The following TRPV1 variants were observed in gnomAD, a reference collection of about 807,000 sequenced individuals.
TRPV1 encodes OTRPC1.
A neutral mutation model predicts 82.3 loss-of-function variants in TRPV1; 82 were observed. The ratio of observed to expected loss-of-function variants is 1.00; its 90% CI spans 0.83 to 1.20. The LOEUF (loss-of-function observed/expected upper bound fraction) is 1.20. Among genes scored for constraint, TRPV1 ranks in the 50% most tolerant of loss-of-function variants. The probability of loss-of-function intolerance (pLI) is 0.00; values close to 1 mark genes in which losing one functional copy is unlikely to be tolerated. For synonymous variants in TRPV1, 515 were observed against 467.7 expected, an observed-to-expected ratio of 1.10 and a Z score of -1.30; for missense variants, 1,067 against 1,096.8, an observed-to-expected ratio of 0.97 and a Z score of 0.38.
In TRPV1 at chr17:3,566,175, A is replaced by AG. The variant is rs1458630926; in HGVS notation, c.*639dup. ...CAACAAGAGTGAAACTCTGTCTCAC[A>AG]GAAAAAAAAAAAAAGAATAAAATCA... is the stretch of plus-strand genomic sequence containing the variant. On this transcript the variant is annotated 3_prime_UTR_variant, in exon 17 of 17. Coordinates refer to ENST00000572705, the MANE Select transcript of TRPV1 (RefSeq NM_080704.4). 1 of 146,164 alleles carries AG rather than the reference A, an allele frequency of 6.8e-6. No individual in the cohort carries two copies. The highest frequency in any genetic ancestry group is 1.5e-5 in the Non-Finnish European group (1 of 66,678). 9.1% of individuals were successfully genotyped at this position (146,164 alleles called of 1,614,324 possible).
chr17:3,586,454 T>C (rs1262249149), intron 8 of TRPV1, among the ~76,000 whole-genome samples: 1 of 152,244 alleles, frequency 6.6e-6, no homozygotes, highest in Non-Finnish European at 1.5e-5. Flanking sequence ...TTGGGGCAAA[T>C]GTCTCATATC....
At chr17:3,599,369 T>C (rs897128280) in intron 2 of TRPV1, among the ~76,000 whole-genome samples, 1 of 152,178 alleles carries the variant, frequency 6.6e-6, no homozygotes, top group African/African-American at 2.4e-5. Flanking sequence ...ACCATCAGCA[T>C]CATCCATGCA....
Position 3,582,116 on chromosome 17 carries a change from G to T in TRPV1, c.1476+1222C>A, listed in dbSNP as rs1448108613. Among the ~76,000 whole-genome samples, 4 of 148,220 alleles carry T rather than the reference G, an allele frequency of 2.7e-5. No homozygotes were observed. The Admixed American group carries it at 2.8e-4, about 10-fold the overall frequency. On this transcript the variant is annotated intron_variant, in intron 10 of 16. Coordinates refer to ENST00000572705, the MANE Select transcript of TRPV1 (RefSeq NM_080704.4). ...GAGGCAGGAGAATGGCGTGAACCCA[G>T]GAGGCGGAGCTTGCAGTGAGTGGAG...
chr17:3,577,934 TC>T (rs2074956620), intron 11 of TRPV1, 171 bp from the exon 12 acceptor site: 1 of 610,706 alleles, frequency 1.6e-6, no homozygotes. Flanking sequence ...AGCAGCATCG[TC>T]CCCAAGGAGC....
At chr17:3,580,423 G>T (rs138449324) in intron 11 of TRPV1, 34 bp downstream of exon 11, 1 of 1,611,838 alleles carries the variant, frequency 6.2e-7, no homozygotes, top group Non-Finnish European at 8.5e-7. Flanking sequence ...GTCACCTGGG[G>T]ACTGGACTGG....
chr17:3,577,226 C>A, intron 12 of TRPV1, 34 bp from the exon 13 acceptor site: 1 of 1,561,006 alleles, frequency 6.4e-7, no homozygotes, highest in Non-Finnish European at 8.7e-7. Context: ...AGAGCCGAGG[C>A]CAGGCCCAGG....
intron 11 of TRPV1, 143 bp downstream of exon 11, chr17:3,580,314 T>C (rs2074989626): frequency 6.1e-6 from 5 of 816,962 alleles, no homozygotes. Context: ...CCCCCGAGTA[T>C]GTATTCAGTG....
intron 6 of TRPV1, 66 bp from the exon 7 acceptor site, chr17:3,590,171 C>A (rs917649539): frequency 6.3e-7 from 1 of 1,587,526 alleles, no homozygotes; most frequent in African/African-American, 1.3e-5. Flanking sequence ...AACCACCGGC[C>A]TCCAAACTCC....
chr17:3,583,544 G>T, intron 9 of TRPV1, 114 bp from the exon 10 acceptor site: 1 of 874,780 alleles, frequency 1.1e-6, no homozygotes, highest in Non-Finnish European at 1.8e-6. Context: ...TCCATCAGGG[G>T]AAGGACACAC....
At position 3,576,690 on chromosome 17, in the gene TRPV1, T is replaced by TGC. The variant is rs1555549478; in HGVS notation, c.1780+434_1780+435dup. 2.0e-3 allele frequency among the ~76,000 whole-genome samples: 208 copies of TGC among 101,968 alleles called. 3 individuals carry two copies. The highest frequency in any genetic ancestry group is 0.015 in the East Asian group (43 of 2,776). 66.9% of individuals were successfully genotyped at this position (101,968 alleles called of 152,430 possible). ...AAAAATATATATATATATATATATA[T>TGC]GCATAAAAACTAGCCGGGCATGGTC... On this transcript the variant is annotated intron_variant, in intron 13 of 16. Coordinates refer to ENST00000572705, the MANE Select transcript of TRPV1 (RefSeq NM_080704.4).
chr17:3,583,523 G>A (rs903023709), intron 9 of TRPV1, 93 bp from the exon 10 acceptor site: 37 of 1,053,956 alleles, frequency 3.5e-5, no homozygotes, highest in Non-Finnish European at 4.8e-5. Flanking sequence ...CCCTGCCCAG[G>A]AGGCACAGCC....
intron 2 of TRPV1, among the ~76,000 whole-genome samples, chr17:3,602,631 G>C (rs781131438): frequency 8.8e-4 from 134 of 152,006 alleles, no homozygotes; most frequent in Non-Finnish European, 1.7e-3. Flanking sequence ...GTCTGCGGAC[G>C]CGCCAGCCAG....
At chr17:3,602,505 T>C (rs1348306504) in intron 2 of TRPV1, among the ~76,000 whole-genome samples, 1 of 152,216 alleles carries the variant, frequency 6.6e-6, no homozygotes, top group Non-Finnish European at 1.5e-5. Context: ...CTTGCATTTA[T>C]GTAATGATGT....
chr17:3,595,376 C>T (rs1268293196), intron 2 of TRPV1, among the ~76,000 whole-genome samples: 2 of 152,130 alleles, frequency 1.3e-5, no homozygotes, highest in Non-Finnish European at 1.5e-5. Flanking sequence ...TGCTCCACCA[C>T]GATGCTGGAG....
intron 2 of TRPV1, among the ~76,000 whole-genome samples, chr17:3,599,690 G>A (rs1250447783): frequency 1.3e-5 from 2 of 149,244 alleles, no homozygotes; most frequent in African/African-American, 2.5e-5. Flanking sequence ...GTGCAATGGC[G>A]TGATCTCAGC....
rs1447796354 is a variant in TRPV1, at chr17:3,572,164, C to A, written c.2189G>T (p.Gly730Val). Reference sequence around the variant, plus strand: ...GTCGTCCTTGCCATCAGGTGTGTACCCCACCTGCAGCAGCTTGCCTGAGCG... The same window carrying A: ...GTCGTCCTTGCCATCAGGTGTGTACACCACCTGCAGCAGCTTGCCTGAGCG... ...AFRSGKLLQV[G>V]YTPDGKDDYR... The change falls in exon 15 of 17, where the codon GGG becomes GTG. Residue 730 changes from glycine to valine, a missense_variant. Coordinates refer to ENST00000572705, the MANE Select transcript of TRPV1 (RefSeq NM_080704.4). 6.2e-7 allele frequency: 1 copy of A among 1,613,544 alleles called. No individual in the cohort carries two copies. Among genetic ancestry groups the A allele is most frequent in the African/African-American group, 1.3e-5 (1 of 74,916 alleles).
At chr17:3,580,245 C>G (rs143520017) in intron 11 of TRPV1, among the ~76,000 whole-genome samples, 38 of 152,296 alleles carry the variant, frequency 2.5e-4, no homozygotes, top group Non-Finnish European at 4.4e-4. Context: ...GACTGTAAGT[C>G]ACGGCAGTTT....
intron 2 of TRPV1, among the ~76,000 whole-genome samples, chr17:3,599,436 C>G (rs2075245685): frequency 6.6e-6 from 1 of 152,102 alleles, no homozygotes; most frequent in East Asian, 1.9e-4. Flanking sequence ...ACTAACTCCC[C>G]TTCCCGACCC....
intron 12 of TRPV1, 53 bp downstream of exon 12, chr17:3,577,545 G>T: frequency 1.3e-6 from 2 of 1,541,388 alleles, no homozygotes; most frequent in South Asian, 2.4e-5. Context: ...CATCTCACAT[G>T]ACCACGAGGT....
Sources: gnomAD v4.1 joint callset for allele counts (sites outside exome capture counted in the v4.1 genomes callset) on GRCh38, gnomAD v4.1.1 for gene constraint, MANE v1.5 for transcripts, NCBI Gene and HGNC (gene_info 2026-07-23, HGNC 2026-07-21) for gene names.